PTPRD: variants seen among roughly 807,000 people sequenced by gnomAD.
PTPRD encodes receptor-type tyrosine-protein phosphatase delta.
A neutral mutation model predicts 214.5 loss-of-function variants in PTPRD; 34 were observed. The observed-to-expected ratio is 0.16, with a 90% CI of 0.12 to 0.21. The LOEUF (loss-of-function observed/expected upper bound fraction) is 0.21, where lower values mean the gene tolerates loss of function less well. PTPRD is among the 10% of genes least tolerant of loss of function. PTPRD has a pLI of 1.00. For missense variants in PTPRD, 2,545 were observed against 2,398.7 expected, an observed-to-expected ratio of 1.06 and a Z score of -1.27; for synonymous variants, 1,128 against 845.7, an observed-to-expected ratio of 1.33 and a Z score of -5.79.
At chr9:8,744,641 T>C (rs2092574163) in intron 11 of PTPRD, among the ~76,000 whole-genome samples, 1 of 152,148 alleles carries the variant, frequency 6.6e-6, no homozygotes, top group Non-Finnish European at 1.5e-5. Flanking sequence ...CTTTGGGGAC[T>C]CAAGGGAAAG....
Position 9,578,449 on chromosome 9 carries a change from CTT to C in PTPRD, c.-286-3670_-286-3669del, listed in dbSNP as rs1465376291. On this transcript the variant is annotated intron_variant, in intron 7 of 45. Transcript: ENST00000381196. ...AAAGAATTAGAGTGCATTACTTCCT[CTT>C]GACTTAATTTTGCAAGGAGTCCAAA... is the stretch of plus-strand genomic sequence containing the variant. 2.0e-5 allele frequency among the ~76,000 whole-genome samples: 3 copies of C among 151,958 alleles called. No individual in the cohort carries two copies. The East Asian group carries it at 5.8e-4, about 29-fold the overall frequency.
rs148050419 is a variant in PTPRD, at chr9:8,804,751, C to T, written c.-103-70805G>A. 3.7e-3 allele frequency among the ~76,000 whole-genome samples: 569 copies of T among 152,150 alleles called. 3 individuals are homozygous for T. The highest frequency in any genetic ancestry group is 0.012 in the African/African-American group (511 of 41,512). On this transcript the variant is annotated intron_variant, in intron 11 of 45. Coordinates refer to ENST00000381196, the MANE Select transcript of PTPRD (RefSeq NM_002839.4). ...TTCCACAGACCTTGATGAGTGGCCA[C>T]CTTTTAGTGTGCTGAAGAAATAAGA...
intron 2 of PTPRD, among the ~76,000 whole-genome samples, chr9:10,573,639 G>A (rs975668141): frequency 1.3e-5 from 2 of 152,146 alleles, no homozygotes; most frequent in Non-Finnish European, 2.9e-5. Flanking sequence ...TGAAGGGGGA[G>A]GAAGCTGGGA....
At chr9:9,603,258 A>G (rs1563991161) in intron 7 of PTPRD, among the ~76,000 whole-genome samples, 1 of 152,144 alleles carries the variant, frequency 6.6e-6, no homozygotes. Flanking sequence ...GAATGGGGCA[A>G]TAGTATGAGC....
intron 9 of PTPRD, among the ~76,000 whole-genome samples, chr9:9,309,307 G>A (rs1046998490): frequency 8.6e-5 from 13 of 150,794 alleles, no homozygotes; most frequent in African/African-American, 2.7e-4. Flanking sequence ...TGAACAGTCA[G>A]TAAATGAATG....
intron 2 of PTPRD, among the ~76,000 whole-genome samples, chr9:10,344,843 T>C (rs1190196486): frequency 6.6e-6 from 1 of 151,938 alleles, no homozygotes; most frequent in Non-Finnish European, 1.5e-5. Flanking sequence ...TTATTGGAGT[T>C]ATACACTTTT....
intron 5 of PTPRD, among the ~76,000 whole-genome samples, chr9:9,797,567 C>T (rs541261600): frequency 6.6e-6 from 1 of 152,192 alleles, no homozygotes; most frequent in African/African-American, 2.4e-5. Flanking sequence ...TCTGTCAGGT[C>T]GTGCATGGTG....
intron 11 of PTPRD, among the ~76,000 whole-genome samples, chr9:8,909,033 G>C (rs950702972): frequency 1.4e-4 from 21 of 151,204 alleles, no homozygotes; most frequent in Admixed American, 1.3e-3. Flanking sequence ...ATGCAACTTA[G>C]ATGAAAAAGA....
intron 4 of PTPRD, among the ~76,000 whole-genome samples, chr9:9,964,606 T>C (rs1268748047): frequency 6.6e-6 from 1 of 152,194 alleles, no homozygotes; most frequent in Non-Finnish European, 1.5e-5. Flanking sequence ...CATTAGAACC[T>C]TACAACAGGT....
At chr9:10,512,476 T>G (rs1178945776) in intron 2 of PTPRD, among the ~76,000 whole-genome samples, 1 of 152,104 alleles carries the variant, frequency 6.6e-6, no homozygotes, top group East Asian at 1.9e-4. Flanking sequence ...AGAGAGATAG[T>G]GCTCCTATGA....
intron 7 of PTPRD, among the ~76,000 whole-genome samples, chr9:9,702,713 G>C (rs1026035090): frequency 6.6e-6 from 1 of 152,118 alleles, no homozygotes; most frequent in Non-Finnish European, 1.5e-5. Flanking sequence ...CATAGAAATG[G>C]TAGTAACTAA....
intron 11 of PTPRD, among the ~76,000 whole-genome samples, chr9:8,844,066 G>A (rs78625560): frequency 3.5e-4 from 53 of 152,224 alleles, no homozygotes; most frequent in African/African-American, 1.1e-3. Flanking sequence ...TCATCCAGAC[G>A]TATGGAAACA....
intron 43 of PTPRD, among the ~76,000 whole-genome samples, chr9:8,338,670 T>G (rs1333080927): frequency 1.3e-5 from 2 of 152,004 alleles, no homozygotes; most frequent in East Asian, 3.9e-4. Context: ...ACTCACCAAG[T>G]GCATCCCCAA....
At chr9:9,839,945 A>G (rs1029643537) in intron 5 of PTPRD, among the ~76,000 whole-genome samples, 4 of 152,142 alleles carry the variant, frequency 2.6e-5, no homozygotes, top group South Asian at 2.1e-4. Context: ...GAAAATTTGT[A>G]TATATAAATA....
intron 7 of PTPRD, among the ~76,000 whole-genome samples, chr9:9,616,235 A>G (rs1387801722): frequency 6.6e-6 from 1 of 152,176 alleles, no homozygotes; most frequent in Non-Finnish European, 1.5e-5. Context: ...TTTTATAAGT[A>G]TATCCCAAGT....
intron 11 of PTPRD, among the ~76,000 whole-genome samples, chr9:8,899,595 C>G (rs2098649360): frequency 6.6e-6 from 1 of 152,126 alleles, no homozygotes; most frequent in South Asian, 2.1e-4. Flanking sequence ...GTAGCTGTTT[C>G]ATGGCAAGGA....
chr9:9,227,514 C>T (rs2099960293), intron 9 of PTPRD, among the ~76,000 whole-genome samples: 1 of 152,112 alleles, frequency 6.6e-6, no homozygotes, highest in Middle Eastern at 3.2e-3. Flanking sequence ...TTGACACTCT[C>T]TGACACTCCT....
At chr9:8,344,592 T>C (rs1489745705) in intron 39 of PTPRD, among the ~76,000 whole-genome samples, 1 of 152,072 alleles carries the variant, frequency 6.6e-6, no homozygotes, top group African/African-American at 2.4e-5. Context: ...TATTGTTAAC[T>C]GCCCAATCCT....
intron 36 of PTPRD, among the ~76,000 whole-genome samples, chr9:8,402,526 C>T (rs1158669063): frequency 2.0e-5 from 3 of 152,076 alleles, no homozygotes; most frequent in South Asian, 4.1e-4. Flanking sequence ...GACAAGTTCC[C>T]CAGGCGAGAC....
Sources: allele counts gnomAD v4.1 joint callset (sites outside exome capture counted in the v4.1 genomes callset), GRCh38; gene constraint gnomAD v4.1.1; transcripts MANE v1.5; gene names NCBI Gene and HGNC (gene_info 2026-07-23, HGNC 2026-07-21).